CAMTA1: variants seen among roughly 807,000 people sequenced by gnomAD.
CAMTA1 encodes the protein calmodulin binding transcription activator 1.
In CAMTA1, 27 loss-of-function variants were observed where a neutral mutation model predicts 170.9. That is an observed-to-expected ratio of 0.16 (90% CI 0.12 to 0.22). The LOEUF is 0.22. Among genes scored for constraint, CAMTA1 ranks in the 10% least tolerant of loss-of-function variants. CAMTA1 has a pLI of 1.00. For missense variants in CAMTA1, 1,619 were observed against 2,217.2 expected (o/e 0.73, Z 5.42); for synonymous variants, 833 against 891.5 (o/e 0.93, Z 1.17).
chr1:7,295,971 C>A (rs1440910871), intron 5 of CAMTA1, among the ~76,000 whole-genome samples: 1 of 152,224 alleles, frequency 6.6e-6, no homozygotes, highest in Non-Finnish European at 1.5e-5. Context: ...AGGTGCTGGC[C>A]AGGGCCGTGG....
intron 4 of CAMTA1, among the ~76,000 whole-genome samples, chr1:7,179,527 C>A (rs1027605877): frequency 1.1e-4 from 17 of 152,108 alleles, no homozygotes; most frequent in African/African-American, 4.1e-4. Context: ...TCAGTAAGTT[C>A]TATAAGGTAG....
In CAMTA1 at chr1:7,549,185, G is replaced by A. The variant is rs577816874; in HGVS notation, c.510+81284G>A. Among the ~76,000 whole-genome samples the A allele has an allele frequency of 1.7e-4, 25 of 150,684 alleles. No individual in the cohort carries two copies. The South Asian group carries it at 5.0e-3, about 30-fold the overall frequency. On this transcript the variant is annotated intron_variant, in intron 6 of 22. Coordinates refer to ENST00000303635, the MANE Select transcript of CAMTA1 (RefSeq NM_015215.4). ...TGCTGGTGGAGGGCACCCCTTATGG[G>A]TGGAGGTGCCCGTGGAGGGTGCCCC...
At chr1:7,020,469 A>G (rs987459142) in intron 3 of CAMTA1, among the ~76,000 whole-genome samples, 4 of 152,214 alleles carry the variant, frequency 2.6e-5, no homozygotes, top group African/African-American at 4.8e-5. Context: ...CACTTTGTGT[A>G]AGTACACTAT....
intron 3 of CAMTA1, among the ~76,000 whole-genome samples, chr1:6,916,346 A>G (rs1680789136): frequency 6.6e-6 from 1 of 152,194 alleles, no homozygotes; most frequent in Admixed American, 6.5e-5. Context: ...TAGGAGTGCC[A>G]GGAATCCAGA....
intron 3 of CAMTA1, among the ~76,000 whole-genome samples, chr1:6,926,470 T>TTCTTTCTC (rs1683218973): frequency 1.4e-4 from 21 of 145,336 alleles, no homozygotes; most frequent in Admixed American, 1.4e-3. Flanking sequence ...CTTTCTTTCT[T>TTCTTTCTC]TCTTTCTTTC....
intron 6 of CAMTA1, among the ~76,000 whole-genome samples, chr1:7,522,304 A>T (rs895270104): frequency 6.6e-6 from 1 of 152,114 alleles, no homozygotes; most frequent in African/African-American, 2.4e-5. Flanking sequence ...CTTTGCCGAG[A>T]TATCTCTATG....
rs1213707726 is a variant in CAMTA1, at chr1:7,663,594, G to A, written c.1047G>A (p.Val349=). Residue 349 remains valine, a synonymous_variant, in exon 9 of 23, where the codon GTG becomes GTA. Transcript: ENST00000303635. ...CCGAGGTCTCCTCCACCAACCAGGT[G>A]GAAGTCCCCGACACCACCCAGAGCT... ...SSTEVSSTNQ[V]EVPDTTQSSP... The A allele has an allele frequency of 5.6e-6, 9 of 1,614,094 alleles. No individual in the cohort carries two copies. The highest frequency in any genetic ancestry group is 7.6e-6 in the Non-Finnish European group (9 of 1,179,988).
chr1:7,577,774 A>G (rs944339377), intron 6 of CAMTA1, among the ~76,000 whole-genome samples: 1 of 152,198 alleles, frequency 6.6e-6, no homozygotes. Context: ...CAACACTGCC[A>G]TTGTAGCAGA....
intron 5 of CAMTA1, among the ~76,000 whole-genome samples, chr1:7,335,124 T>TTGTG (rs577353689): frequency 0.023 from 434 of 18,904 alleles, 9 homozygotes; most frequent in Middle Eastern, 0.067. Flanking sequence ...AGCACAGCTT[T>TTGTG]TGTGTGTGTG....
intron 5 of CAMTA1, among the ~76,000 whole-genome samples, chr1:7,383,655 G>A (rs2087599170): frequency 6.6e-6 from 1 of 152,162 alleles, no homozygotes; most frequent in Non-Finnish European, 1.5e-5. Context: ...AGGTGATGGT[G>A]GTGATCATGG....
intron 3 of CAMTA1, among the ~76,000 whole-genome samples, chr1:6,989,062 G>A (rs1695883002): frequency 6.6e-6 from 1 of 152,156 alleles, no homozygotes; most frequent in African/African-American, 2.4e-5. Flanking sequence ...GAGGGGCAGG[G>A]GACATGACAG....
At chr1:7,509,771 C>G (rs896505293) in intron 6 of CAMTA1, among the ~76,000 whole-genome samples, 3 of 152,138 alleles carry the variant, frequency 2.0e-5, no homozygotes, top group African/African-American at 7.2e-5. Flanking sequence ...CAACAGAGAA[C>G]AAGAGGCTAG....
At chr1:7,416,829 A>G (rs1383510729) in intron 5 of CAMTA1, among the ~76,000 whole-genome samples, 2 of 152,016 alleles carry the variant, frequency 1.3e-5, no homozygotes, top group Non-Finnish European at 2.9e-5. Context: ...GGAGGAGGAG[A>G]GGTGCTCTGC....
At chr1:7,669,286 G>A (rs547483534) in intron 9 of CAMTA1, among the ~76,000 whole-genome samples, 52 of 152,358 alleles carry the variant, frequency 3.4e-4, no homozygotes, top group Non-Finnish European at 6.3e-4. Context: ...CCCCTTCCGT[G>A]GAAGAAGTCT....
At chr1:7,576,452 CCCTTATAAAA>C (rs1367428251) in intron 6 of CAMTA1, among the ~76,000 whole-genome samples, 7 of 152,080 alleles carry the variant, frequency 4.6e-5, no homozygotes, top group Non-Finnish European at 8.8e-5. Context: ...ACAATTAGTG[CCCTTATAAAA>C]CCTTATAAAA....
At chr1:7,346,240 A>G (rs903972679) in intron 5 of CAMTA1, among the ~76,000 whole-genome samples, 1 of 152,184 alleles carries the variant, frequency 6.6e-6, no homozygotes, top group Non-Finnish European at 1.5e-5. Context: ...TCCAGAATCC[A>G]TGCTGCCTTG....
At chr1:7,406,904 A>G (rs1393144475) in intron 5 of CAMTA1, among the ~76,000 whole-genome samples, 1 of 151,514 alleles carries the variant, frequency 6.6e-6, no homozygotes, top group Non-Finnish European at 1.5e-5. Flanking sequence ...TGCATAAACC[A>G]CTCCTAAGAC....
At chr1:6,958,192 G>A (rs1235423680) in intron 3 of CAMTA1, among the ~76,000 whole-genome samples, 1 of 152,108 alleles carries the variant, frequency 6.6e-6, no homozygotes, top group African/African-American at 2.4e-5. Flanking sequence ...TTTCCCCTAG[G>A]CCCCTCCCTG....
At chr1:7,324,064 AAG>A (rs1364300098) in intron 5 of CAMTA1, among the ~76,000 whole-genome samples, 2 of 152,192 alleles carry the variant, frequency 1.3e-5, no homozygotes, top group Non-Finnish European at 2.9e-5. Flanking sequence ...TTGATCTACC[AAG>A]CACTAAGACA....
Sources: allele counts gnomAD v4.1 joint callset (sites outside exome capture counted in the v4.1 genomes callset), GRCh38; gene constraint gnomAD v4.1.1; transcripts MANE v1.5; gene names NCBI Gene and HGNC (gene_info 2026-07-23, HGNC 2026-07-21).